ST6GAL1: variants seen among roughly 807,000 people sequenced by gnomAD.
ST6GAL1 encodes the protein ST6 beta-galactoside alpha-2,6-sialyltransferase 1.
ST6GAL1 carries 20 observed loss-of-function variants against 38.0 expected under a neutral mutation model. The ratio of observed to expected loss-of-function variants is 0.53; its 90% confidence interval spans 0.37 to 0.77. The LOEUF is 0.77. Ranked by LOEUF, ST6GAL1 falls within the 30% of genes least tolerant of loss-of-function variation. ST6GAL1 has a pLI of 0.00. For missense variants in ST6GAL1, 432 were observed against 496.4 expected, an observed-to-expected ratio of 0.87 and a Z score of 1.23; for synonymous variants, 196 against 188.2, an observed-to-expected ratio of 1.04 and a Z score of -0.34.
At position 187,048,178 on chromosome 3, in the gene ST6GAL1, C is replaced by T. The variant is rs544679865; in HGVS notation, c.608-3071C>T. On this transcript the variant is annotated intron_variant, in intron 4 of 7. Coordinates refer to ENST00000169298, the MANE Select transcript of ST6GAL1 (RefSeq NM_173216.2). ...CAGGATGGTCTCGATCTCCTGACCT[C>T]GTGATCTGCCCACCTTGGCCTCCCA... Among the ~76,000 whole-genome samples, 16 of 152,276 alleles carry T rather than the reference C, an allele frequency of 1.1e-4. No individual in the cohort carries two copies. The South Asian group carries it at 3.1e-3, about 30-fold the overall frequency.
intron 2 of ST6GAL1, among the ~76,000 whole-genome samples, chr3:186,995,079 AT>A (rs1267543456): frequency 1.1e-4 from 17 of 152,176 alleles, no homozygotes; most frequent in African/African-American, 4.1e-4. Context: ...TATTATATAT[AT>A]ATGTGTGTAT....
At chr3:187,031,900 T>C (rs988937156) in intron 2 of ST6GAL1, among the ~76,000 whole-genome samples, 2 of 152,248 alleles carry the variant, frequency 1.3e-5, no homozygotes, top group African/African-American at 4.8e-5. Context: ...GGCTCTTGTC[T>C]TGATAAATCT....
intron 1 of ST6GAL1, among the ~76,000 whole-genome samples, chr3:186,963,122 A>G (rs1714986763): frequency 6.6e-6 from 1 of 152,238 alleles, no homozygotes; most frequent in East Asian, 1.9e-4. Context: ...ATTACTTTAA[A>G]AACAAATGCC....
At chr3:187,050,717 A>G (rs561385602) in intron 4 of ST6GAL1, among the ~76,000 whole-genome samples, 145 of 152,052 alleles carry the variant, frequency 9.5e-4, no homozygotes, top group Admixed American at 5.1e-3. Context: ...TCAGGTTCCT[A>G]AATGGAACGC....
intron 2 of ST6GAL1, among the ~76,000 whole-genome samples, chr3:187,015,293 A>T (rs1717079988): frequency 6.6e-6 from 1 of 152,200 alleles, no homozygotes; most frequent in South Asian, 2.1e-4. Context: ...CTTCGGAGTT[A>T]TTCTCAAAAG....
chr3:186,981,697 A>C (rs1458177046), intron 2 of ST6GAL1, among the ~76,000 whole-genome samples: 1 of 152,216 alleles, frequency 6.6e-6, no homozygotes, highest in African/African-American at 2.4e-5. Context: ...CAGTCAGGAA[A>C]TATTGTTCCA....
chr3:187,050,112 T>C (rs1226263115), intron 4 of ST6GAL1, among the ~76,000 whole-genome samples: 1 of 152,208 alleles, frequency 6.6e-6, no homozygotes, highest in East Asian at 1.9e-4. Context: ...GAGGCTTTCA[T>C]CCTTAATTCT....
intron 2 of ST6GAL1, among the ~76,000 whole-genome samples, chr3:186,974,310 A>G (rs947380461): frequency 6.6e-6 from 1 of 152,048 alleles, no homozygotes; most frequent in African/African-American, 2.4e-5. Context: ...TACTGCAGGA[A>G]CCGACTGAGC....
chr3:186,938,755 A>G (rs111424387), intron 1 of ST6GAL1, among the ~76,000 whole-genome samples: 11 of 152,102 alleles, frequency 7.2e-5, no homozygotes, highest in African/African-American at 2.7e-4. Flanking sequence ...AAGGAACCCT[A>G]TATCATATCC....
intron 1 of ST6GAL1, among the ~76,000 whole-genome samples, chr3:186,961,325 A>G (rs568030627): frequency 4.6e-5 from 7 of 151,978 alleles, no homozygotes; most frequent in Admixed American, 1.3e-4. Flanking sequence ...TTCCACCACT[A>G]CCTTTCCCTT....
At chr3:187,058,439 T>C (rs1718795629) in intron 5 of ST6GAL1, among the ~76,000 whole-genome samples, 1 of 152,234 alleles carries the variant, frequency 6.6e-6, no homozygotes, top group African/African-American at 2.4e-5. Context: ...AATATTTTTA[T>C]AACGGGATAG....
chr3:186,965,546 G>T (rs1403347139), intron 2 of ST6GAL1, among the ~76,000 whole-genome samples: 2 of 152,178 alleles, frequency 1.3e-5, no homozygotes, highest in African/African-American at 4.8e-5. Context: ...AATTATAAAG[G>T]TGGTAAGGTC....
chr3:187,071,687 G>C (rs912468397), intron 5 of ST6GAL1, among the ~76,000 whole-genome samples: 2 of 150,598 alleles, frequency 1.3e-5, no homozygotes, highest in Admixed American at 6.6e-5. Flanking sequence ...GTGAACCCGG[G>C]AGGCGGAGCC....
chr3:187,010,150 T>G (rs1716910459), intron 2 of ST6GAL1, among the ~76,000 whole-genome samples: 1 of 152,208 alleles, frequency 6.6e-6, no homozygotes, highest in Non-Finnish European at 1.5e-5. Flanking sequence ...AACTGCAGTC[T>G]TTGCTTCTCT....
intron 2 of ST6GAL1, among the ~76,000 whole-genome samples, chr3:186,996,170 G>A (rs142608357): frequency 5.3e-5 from 8 of 152,090 alleles, no homozygotes; most frequent in African/African-American, 1.4e-4. Flanking sequence ...ATATTTGAAG[G>A]ACTAGTCAGC....
chr3:186,947,007 G>C (rs1166830398), intron 1 of ST6GAL1, among the ~76,000 whole-genome samples: 34 of 152,192 alleles, frequency 2.2e-4, no homozygotes. Context: ...GAGAATGGGA[G>C]AAAGGACCTT....
At chr3:186,991,759 T>C (rs1303262245) in intron 2 of ST6GAL1, among the ~76,000 whole-genome samples, 3 of 152,166 alleles carry the variant, frequency 2.0e-5, no homozygotes, top group African/African-American at 7.2e-5. Flanking sequence ...TTTGCTGTCA[T>C]AACTCCACTG....
rs564922656 is a variant in ST6GAL1, at chr3:187,062,033, T to A, written c.705+10687T>A. Among the ~76,000 whole-genome samples, 192 of 152,230 alleles carry A rather than the reference T, an allele frequency of 1.3e-3. 2 individuals carry two copies. The highest frequency in any genetic ancestry group is 4.3e-3 in the African/African-American group (180 of 41,550). ...ACTCTTCAAACAACAATAAAAAAAATCAAATTACCCAATTTAAAAATAGGC... is the reference window on the plus strand; with the variant it reads ...ACTCTTCAAACAACAATAAAAAAAAACAAATTACCCAATTTAAAAATAGGC... On this transcript the variant is annotated intron_variant, in intron 5 of 7. Coordinates refer to ENST00000169298, the MANE Select transcript of ST6GAL1 (RefSeq NM_173216.2).
rs750005585 is a variant in ST6GAL1, at chr3:186,952,136, G to A, written c.-324-11649G>A. ...GAGGCTTCAGGAAGCTTTTACTCAC[G>A]GCAGGAGGTGAAAAGGGAGGGGGTG... is the stretch of plus-strand genomic sequence containing the variant. On this transcript the variant is annotated intron_variant, in intron 1 of 7. Transcript: ENST00000169298. The surrounding 1 kb of genome is among the most constrained non-coding windows in gnomAD (Gnocchi z 4.1). Among the ~76,000 whole-genome samples the A allele has an allele frequency of 1.3e-5, 2 of 152,120 alleles. No homozygotes were observed. Among genetic ancestry groups the A allele is most frequent in the Non-Finnish European group, 2.9e-5 (2 of 68,024 alleles).
Sources: allele counts gnomAD v4.1 joint callset (sites outside exome capture counted in the v4.1 genomes callset), GRCh38; gene constraint gnomAD v4.1.1; non-coding constraint Gnocchi (gnomAD v3.1); transcripts MANE v1.5; gene names NCBI Gene and HGNC (gene_info 2026-07-23, HGNC 2026-07-21).